RAPGEF6: variants seen among roughly 807,000 people sequenced by gnomAD.
RAPGEF6 encodes PDZ domain containing guanine nucleotide exchange factor (GEF) 2.
Under a neutral mutation model 171.4 loss-of-function variants are expected in RAPGEF6, and 56 were observed. The ratio of observed to expected loss-of-function variants is 0.33; its 90% CI spans 0.26 to 0.41. The LOEUF is 0.41. Ranked by LOEUF, RAPGEF6 falls within the 10% of genes least tolerant of loss-of-function variation. The pLI is 1.00. For missense variants in RAPGEF6, 1,674 were observed against 1,921.4 expected, an observed-to-expected ratio of 0.87 and a Z score of 2.41; for synonymous variants, 692 against 650.1, an observed-to-expected ratio of 1.06 and a Z score of -0.98.
chr5:131,574,929 A>C (rs952466540), intron 4 of RAPGEF6, among the ~76,000 whole-genome samples: 3 of 152,076 alleles, frequency 2.0e-5, no homozygotes, highest in African/African-American at 7.2e-5. Context: ...TGGCCTTTTA[A>C]AGCTCACAAA....
At chr5:131,604,503 A>C in intron 2 of RAPGEF6, 120 bp downstream of exon 2, 4 of 1,117,946 alleles carry the variant, frequency 3.6e-6, no homozygotes, top group Non-Finnish European at 5.0e-6. Flanking sequence ...GATCTAATCT[A>C]TAATGCATAT....
At chr5:131,571,982 T>C (rs1762326141) in intron 4 of RAPGEF6, among the ~76,000 whole-genome samples, 1 of 152,122 alleles carries the variant, frequency 6.6e-6, no homozygotes, top group African/African-American at 2.4e-5. Flanking sequence ...ATCCATCCCC[T>C]GCCTGCAAAA....
At chr5:131,515,693 GA>G (rs749854965) in intron 7 of RAPGEF6, among the ~76,000 whole-genome samples, 1 of 152,180 alleles carries the variant, frequency 6.6e-6, no homozygotes, top group Admixed American at 6.5e-5. Flanking sequence ...CTTCTTGTTG[GA>G]AAGACATGGG....
At chr5:131,591,831 T>C (rs905899890) in intron 4 of RAPGEF6, among the ~76,000 whole-genome samples, 1 of 152,160 alleles carries the variant, frequency 6.6e-6, no homozygotes, top group East Asian at 1.9e-4. Flanking sequence ...ACCAATTAGA[T>C]AAATCAGATC....
rs142966094 is a variant in RAPGEF6, at chr5:131,501,001, C to A, written c.1255-2394G>T. On this transcript the variant is annotated intron_variant, in intron 11 of 27. Coordinates refer to ENST00000509018, the MANE Select transcript of RAPGEF6 (RefSeq NM_016340.6). ...AGGTGCGGTGGCTCACACCTGTAAT[C>A]CCAGCACTTCTGGAGCCCACCTTGG... 5.1e-3 allele frequency among the ~76,000 whole-genome samples: 775 copies of A among 152,118 alleles called. 4 individuals are homozygous for A. The highest frequency in any genetic ancestry group is 0.017 in the African/African-American group (710 of 41,538).
At chr5:131,463,968 C>A in intron 18 of RAPGEF6, 73 bp downstream of exon 18, 1 of 1,503,380 alleles carries the variant, frequency 6.7e-7, no homozygotes, top group Non-Finnish European at 8.9e-7. Flanking sequence ...TTTCTACTTA[C>A]AATAGCTGTT....
intron 5 of RAPGEF6, among the ~76,000 whole-genome samples, chr5:131,560,631 C>A (rs911955405): frequency 6.6e-6 from 1 of 152,104 alleles, no homozygotes; most frequent in Admixed American, 6.5e-5. Flanking sequence ...ATATTCAGTG[C>A]TTAAAGAAAA....
Position 131,480,929 on chromosome 5 carries a change from T to C in RAPGEF6, c.1841-1176A>G, listed in dbSNP as rs1355380170. On this transcript the variant is annotated intron_variant, in intron 15 of 27. Coordinates refer to ENST00000509018, the MANE Select transcript of RAPGEF6 (RefSeq NM_016340.6). ...CAACCAATCATATCTTAGATACTGC[T>C]TTTTTTTTTTTTTAATTTTGAGACA... Among the ~76,000 whole-genome samples, 6 of 135,586 alleles carry C rather than the reference T, an allele frequency of 4.4e-5. No individual in the cohort carries two copies. In the South Asian group the frequency reaches 1.2e-3, roughly 27 times the overall value. 88.9% of individuals were successfully genotyped at this position (135,586 alleles called of 152,430 possible). A position where few individuals can be genotyped will look rare whatever the true frequency, so the allele number is the denominator to read the frequency against.
At chr5:131,510,170 T>A (rs975564327) in intron 8 of RAPGEF6, 144 bp downstream of exon 8, 2 of 815,908 alleles carry the variant, frequency 2.5e-6, no homozygotes, top group Non-Finnish European at 3.7e-6. Flanking sequence ...GCTAAGGTGC[T>A]CCTAAATTTG....
At chr5:131,484,759 G>A (rs903606799) in intron 15 of RAPGEF6, among the ~76,000 whole-genome samples, 6 of 152,116 alleles carry the variant, frequency 3.9e-5, no homozygotes, top group African/African-American at 1.2e-4. Flanking sequence ...AGAATTCTAT[G>A]TAATAATAAA....
At chr5:131,583,076 A>G (rs1249132214) in intron 4 of RAPGEF6, among the ~76,000 whole-genome samples, 4 of 152,256 alleles carry the variant, frequency 2.6e-5, no homozygotes, top group African/African-American at 9.6e-5. Context: ...AAAATAGTCA[A>G]TAACAGTCAA....
At chr5:131,512,772 C>T (rs1757820374) in intron 7 of RAPGEF6, among the ~76,000 whole-genome samples, 1 of 152,112 alleles carries the variant, frequency 6.6e-6, no homozygotes. Context: ...GTCATGAGAA[C>T]TCTCACGAAT....
chr5:131,528,210 T>TAAATA (rs1157671690), intron 6 of RAPGEF6, among the ~76,000 whole-genome samples: 1 of 124,126 alleles, frequency 8.1e-6, no homozygotes, highest in African/African-American at 3.3e-5. Context: ...ATATTATATA[T>TAAATA]AAATAAAATA....
chr5:131,532,642 G>T (rs1012910163), intron 6 of RAPGEF6, among the ~76,000 whole-genome samples: 1 of 151,406 alleles, frequency 6.6e-6, no homozygotes, highest in African/African-American at 2.4e-5. Context: ...GAAGATTAAA[G>T]TTTCTTCTTT....
chr5:131,446,237 C>T (rs1302250472), intron 22 of RAPGEF6, among the ~76,000 whole-genome samples: 3 of 152,152 alleles, frequency 2.0e-5, no homozygotes, highest in Non-Finnish European at 4.4e-5. Flanking sequence ...CTATAATGAT[C>T]CAGTTTTTAA....
In RAPGEF6 at chr5:131,505,895, A is replaced by T. The variant is rs1391515857; in HGVS notation, c.943-373T>A. Among the ~76,000 whole-genome samples, 4 of 152,220 alleles carry T rather than the reference A, an allele frequency of 2.6e-5. No homozygotes were observed. In the South Asian group the frequency reaches 6.2e-4, roughly 24 times the overall value. On this transcript the variant is annotated intron_variant, in intron 9 of 27. Transcript: ENST00000509018. The stretch of plus-strand genomic sequence containing the variant: ...CAGTTTCTCTACTGCTACAATGGTC[A>T]TATGGAAAGTATCTATCATAGAACT...
At chr5:131,555,855 G>C (rs1379526145) in intron 5 of RAPGEF6, among the ~76,000 whole-genome samples, 1 of 152,086 alleles carries the variant, frequency 6.6e-6, no homozygotes, top group Non-Finnish European at 1.5e-5. Context: ...GAAACTAGTT[G>C]TTAGGCAATT....
At chr5:131,449,028 C>CTAT (rs1752894033) in intron 21 of RAPGEF6, among the ~76,000 whole-genome samples, 1 of 152,020 alleles carries the variant, frequency 6.6e-6, no homozygotes, top group African/African-American at 2.4e-5. Flanking sequence ...AGGCAAGACT[C>CTAT]GAATAAAGAA....
intron 6 of RAPGEF6, among the ~76,000 whole-genome samples, chr5:131,526,648 G>T (rs1305387921): frequency 1.3e-5 from 2 of 152,072 alleles, no homozygotes. Flanking sequence ...CAGCTTACCT[G>T]CCCTTTCTCT....
Sources: gnomAD v4.1 joint callset for allele counts (sites outside exome capture counted in the v4.1 genomes callset) on GRCh38, gnomAD v4.1.1 for gene constraint, MANE v1.5 for transcripts, NCBI Gene and HGNC (gene_info 2026-07-23, HGNC 2026-07-21) for gene names.